Variants in NR3C1 observed in about 807,000 individuals in gnomAD.
NR3C1 encodes glucocorticoid receptor.
In NR3C1, 14 loss-of-function variants were observed where a neutral mutation model predicts 74.0. The observed-to-expected ratio is 0.19, with a 90% CI of 0.12 to 0.30. NR3C1 has a LOEUF of 0.30. Ranked by LOEUF, NR3C1 falls within the 10% of genes least tolerant of loss-of-function variation. The pLI is 1.00. For synonymous variants in NR3C1, 308 were observed against 332.5 expected, an observed-to-expected ratio of 0.93 and a Z score of 0.80; for missense variants, 695 against 909.8, an observed-to-expected ratio of 0.76 and a Z score of 3.04.
upstream of NR3C1, among the ~76,000 whole-genome samples, chr5:143,407,750 C>A (rs950524212): frequency 2.0e-5 from 3 of 152,200 alleles, no homozygotes; most frequent in Admixed American, 2.0e-4. Flanking sequence ...CCATTCTCTT[C>A]ATGTTTTGTC....
At position 143,295,355 on chromosome 5, in the gene NR3C1, A is replaced by G. The variant is rs1816954576; in HGVS notation, c.2023+105T>C. 5 of 1,486,378 alleles carry G rather than the reference A, an allele frequency of 3.4e-6. No individual in the cohort carries two copies. The Admixed American group carries it at 8.3e-5, about 25-fold the overall frequency. The allele number at this position is 1,486,378 out of a possible 1,614,324, so 92.1% of individuals were successfully genotyped here. A position where few individuals can be genotyped will look rare whatever the true frequency, so the allele number is the denominator to read the frequency against. Reference sequence around the variant, plus strand: ...AATCATCTGACTAGTAGGAAATAATAGTAGACTTGGTATAATTATTAGTAC... The same window carrying G: ...AATCATCTGACTAGTAGGAAATAATGGTAGACTTGGTATAATTATTAGTAC... On this transcript the variant is annotated intron_variant, in intron 7 of 8. Coordinates refer to ENST00000394464, the MANE Select transcript of NR3C1 (RefSeq NM_000176.3).
At chr5:143,416,859 CCTT>C (rs1841493014) in intron 1 of NR3C1, among the ~76,000 whole-genome samples, 2 of 152,320 alleles carry the variant, frequency 1.3e-5, no homozygotes, top group Admixed American at 6.5e-5. Flanking sequence ...TGGTCAAACT[CCTT>C]CTTTATTTAA....
Position 143,298,822 on chromosome 5 carries a change from G to C in NR3C1, c.1748-10C>G. Reference sequence around the variant, plus strand: ...TGTAAGTTCCTGAAACCTGAATTAAGAGAAATAAAGGTATGAGGCAACACT... The same window carrying C: ...TGTAAGTTCCTGAAACCTGAATTAACAGAAATAAAGGTATGAGGCAACACT... On this transcript the variant is annotated splice_polypyrimidine_tract_variant and intron_variant, in intron 5 of 8. Transcript: ENST00000394464. 6.2e-7 allele frequency: 1 copy of C among 1,611,662 alleles called. No individual in the cohort carries two copies. Among genetic ancestry groups the C allele is most frequent in the Non-Finnish European group, 8.5e-7 (1 of 1,179,000 alleles).
At chr5:143,406,062 TG>T (rs1322465243), upstream of NR3C1, among the ~76,000 whole-genome samples, 2 of 152,172 alleles carry the variant, frequency 1.3e-5, no homozygotes, top group Non-Finnish European at 2.9e-5. Flanking sequence ...CCTTGTACAC[TG>T]CTTAAAATGA....
intron 2 of NR3C1, among the ~76,000 whole-genome samples, chr5:143,369,701 C>G (rs139250784): frequency 3.3e-5 from 5 of 152,258 alleles, no homozygotes; most frequent in African/African-American, 1.2e-4. Context: ...TGCTAACTAT[C>G]CTGCAACACA....
Position 143,285,461 on chromosome 5 carries a change from A to C in NR3C1, c.2024-2736T>G, listed in dbSNP as rs148153598. ...TAAATTTGACTGACATTTCTGAAACAGTCTACCCAAGAACTTGCATTCTTT... is the reference window on the plus strand; with the variant it reads ...TAAATTTGACTGACATTTCTGAAACCGTCTACCCAAGAACTTGCATTCTTT... On this transcript the variant is annotated intron_variant, in intron 7 of 8. Coordinates refer to ENST00000394464, the MANE Select transcript of NR3C1 (RefSeq NM_000176.3). Among the ~76,000 whole-genome samples the C allele has an allele frequency of 1.0e-3, 155 of 152,334 alleles. 3 individuals carry two copies. In the East Asian group the frequency reaches 0.022, roughly 22 times the overall value.
At chr5:143,341,815 T>C (rs1258996576) in intron 2 of NR3C1, among the ~76,000 whole-genome samples, 2 of 152,212 alleles carry the variant, frequency 1.3e-5, no homozygotes, top group Non-Finnish European at 2.9e-5. Context: ...CAACAGATAA[T>C]ATATTCAAAT....
chr5:143,405,344 G>A (rs1841044939), upstream of NR3C1: 2 of 985,582 alleles, frequency 2.0e-6, no homozygotes, highest in Admixed American at 6.1e-5. Context: ...CTCCCGCCGC[G>A]CTCAGACTGA....
intron 1 of NR3C1, chr5:143,402,594 G>A (rs1226532451): frequency 5.1e-6 from 5 of 985,260 alleles, no homozygotes; most frequent in Non-Finnish European, 6.0e-6. Context: ...AGAGAAGTAC[G>A]TCCAGACCTG....
intron 2 of NR3C1, among the ~76,000 whole-genome samples, chr5:143,398,879 T>G (rs112389624): frequency 1.1e-3 from 174 of 152,076 alleles, no homozygotes; most frequent in African/African-American, 3.7e-3. Context: ...AAGAGAAAAA[T>G]CAAACGAAAG....
chr5:143,405,274 G>T (rs1240898769), upstream of NR3C1: 2 of 985,624 alleles, frequency 2.0e-6, no homozygotes, highest in Non-Finnish European at 2.4e-6. Context: ...TGACACGGGC[G>T]GGGGCTGCCG....
At chr5:143,407,427 G>A (rs1325020530), upstream of NR3C1, 1 of 152,118 alleles carries the variant, frequency 6.6e-6, no homozygotes, top group East Asian at 1.9e-4. Flanking sequence ...TTGATTGTAT[G>A]TTCTTATAGT....
At position 143,279,179 on chromosome 5, in the gene NR3C1, A is replaced by T; in HGVS notation, c.*2710T>A. ...AGCACTTAAATCCACAATTAAACAT[A>T]ATTAAGATGACTTTCTTTTCCCCCA... On this transcript the variant is annotated 3_prime_UTR_variant, in exon 9 of 9. Coordinates refer to ENST00000394464, the MANE Select transcript of NR3C1 (RefSeq NM_000176.3). 2 of 647,400 alleles carry T rather than the reference A, an allele frequency of 3.1e-6. No individual in the cohort carries two copies. The highest frequency in any genetic ancestry group is 5.0e-6 in the Non-Finnish European group (2 of 398,238). The allele number at this position is 647,400 out of a possible 1,614,324, so 40.1% of individuals were successfully genotyped here.
At chr5:143,431,500 G>A (rs1345100538) in intron 1 of NR3C1, among the ~76,000 whole-genome samples, 1 of 151,992 alleles carries the variant, frequency 6.6e-6, no homozygotes, top group Non-Finnish European at 1.5e-5. Context: ...CTGTCAGGGG[G>A]TGGGGGGTAA....
chr5:143,311,687 C>CTAGTACACAAGTA (rs1820967905), intron 3 of NR3C1, among the ~76,000 whole-genome samples: 1 of 151,928 alleles, frequency 6.6e-6, no homozygotes, highest in African/African-American at 2.4e-5. Context: ...TGCTACGTTG[C>CTAGTACACAAGTA]CTAGGCTGGA....
At chr5:143,342,465 G>A (rs2151748941) in intron 2 of NR3C1, among the ~76,000 whole-genome samples, 1 of 152,302 alleles carries the variant, frequency 6.6e-6, no homozygotes, top group South Asian at 2.1e-4. Flanking sequence ...TTTACTCAAT[G>A]CATTCTGTTG....
intron 2 of NR3C1, among the ~76,000 whole-genome samples, chr5:143,366,236 C>T (rs753294791): frequency 1.3e-5 from 2 of 152,046 alleles, no homozygotes; most frequent in African/African-American, 4.8e-5. Flanking sequence ...GGGTTGGGCA[C>T]GGTAGCTCAC....
intron 1 of NR3C1, among the ~76,000 whole-genome samples, chr5:143,418,408 CTGTT>C (rs1345817785): frequency 6.6e-6 from 1 of 152,182 alleles, no homozygotes; most frequent in Non-Finnish European, 1.5e-5. Flanking sequence ...CCCTTTTGGA[CTGTT>C]TGCCTTTTTC....
At chr5:143,378,479 G>T (rs1257266927) in intron 2 of NR3C1, among the ~76,000 whole-genome samples, 1 of 152,044 alleles carries the variant, frequency 6.6e-6, no homozygotes, top group South Asian at 2.1e-4. Flanking sequence ...GCTATGGTGC[G>T]GAAAAATTCA....
Sources: allele counts gnomAD v4.1 joint callset (sites outside exome capture counted in the v4.1 genomes callset), GRCh38; gene constraint gnomAD v4.1.1; transcripts MANE v1.5; gene names NCBI Gene and HGNC (gene_info 2026-07-23, HGNC 2026-07-21).